The following DIS3L2 variants were observed in gnomAD, a reference collection of about 807,000 sequenced individuals.
DIS3L2 encodes DIS3-like exonuclease 2.
Under a neutral mutation model 97.5 loss-of-function variants are expected in DIS3L2, and 34 were observed. The ratio of observed to expected loss-of-function variants is 0.35; its 90% CI spans 0.27 to 0.46. The LOEUF (loss-of-function observed/expected upper bound fraction) is 0.46, where lower values mean the gene tolerates loss of function less well. Among genes scored for constraint, DIS3L2 ranks in the 20% least tolerant of loss-of-function variants. The pLI is 1.00. For synonymous variants in DIS3L2, 435 were observed against 445.2 expected, an observed-to-expected ratio of 0.98 and a Z score of 0.29; for missense variants, 1,038 against 1,146.0, an observed-to-expected ratio of 0.91 and a Z score of 1.36.
intron 6 of DIS3L2, among the ~76,000 whole-genome samples, chr2:232,124,559 T>C (rs1439777301): frequency 2.0e-5 from 3 of 151,580 alleles, no homozygotes; most frequent in Admixed American, 2.0e-4. Flanking sequence ...GAGAGACAAA[T>C]AGAAAATGCA....
Position 231,979,409 on chromosome 2 carries a change from A to G in DIS3L2, c.-94+17644A>G, listed in dbSNP as rs555480554. On this transcript the variant is annotated intron_variant, in intron 1 of 20. Coordinates refer to ENST00000325385, the MANE Select transcript of DIS3L2 (RefSeq NM_152383.5). The stretch of plus-strand genomic sequence containing the variant: ...GTAGCTAGGTCTACAGGCATTCACC[A>G]CCATGCCCGGCTAATTTTTGTATTT... 2.8e-3 allele frequency among the ~76,000 whole-genome samples: 423 copies of G among 151,738 alleles called. 1 individual carries two copies. The highest frequency in any genetic ancestry group is 4.6e-3 in the Non-Finnish European group (313 of 67,946).
In DIS3L2 at chr2:232,249,492, A is replaced by G. The variant is rs916734991; in HGVS notation, c.1425+146A>G. 1.6e-5 allele frequency: 14 copies of G among 901,050 alleles called. No individual in the cohort carries two copies. In the African/African-American group the frequency reaches 2.3e-4, roughly 15 times the overall value. 55.8% of individuals were successfully genotyped at this position (901,050 alleles called of 1,614,324 possible). ...AGTAGCCATCATAGAGAAATGTCAG[A>G]GTCCCTGCCTCGGAAGAGCCGTTGG... is the stretch of plus-strand genomic sequence containing the variant. On this transcript the variant is annotated intron_variant, in intron 12 of 20. Coordinates refer to ENST00000325385, the MANE Select transcript of DIS3L2 (RefSeq NM_152383.5).
At chr2:232,216,317 A>G (rs993059211) in intron 10 of DIS3L2, among the ~76,000 whole-genome samples, 1 of 152,194 alleles carries the variant, frequency 6.6e-6, no homozygotes, top group African/African-American at 2.4e-5. Flanking sequence ...TTGGACTCAA[A>G]GGACCCTGCC....
At chr2:232,046,264 C>T (rs9636277) in intron 5 of DIS3L2, among the ~76,000 whole-genome samples, 2,145 of 152,226 alleles carry the variant, frequency 0.014, 23 homozygotes, top group Non-Finnish European at 0.021. Context: ...CTAATACATA[C>T]TTGGTGTTGG....
chr2:232,339,649 A>G (rs11896101), downstream of DIS3L2: 43,566 of 452,878 alleles, frequency 0.096, 3,337 homozygotes, highest in African/African-American at 0.28. Context: ...AACAAGGCCT[A>G]CAAGGATCTG....
At chr2:232,082,937 A>G in intron 5 of DIS3L2, among the ~76,000 whole-genome samples, 1 of 152,216 alleles carries the variant, frequency 6.6e-6, no homozygotes, top group East Asian at 1.9e-4. Flanking sequence ...CAGTCGTGGC[A>G]GAAGGTGAAA....
chr2:231,968,663 T>C (rs930422326), intron 1 of DIS3L2, among the ~76,000 whole-genome samples: 1 of 152,284 alleles, frequency 6.6e-6, no homozygotes, highest in Non-Finnish European at 1.5e-5. Flanking sequence ...ATAAGGCTTC[T>C]ATAAAAATTT....
intron 9 of DIS3L2, among the ~76,000 whole-genome samples, chr2:232,197,621 A>G (rs1375884198): frequency 6.6e-6 from 1 of 152,130 alleles, no homozygotes; most frequent in Non-Finnish European, 1.5e-5. Context: ...GAGATTTGGG[A>G]TAAGTTATTA....
intron 5 of DIS3L2, among the ~76,000 whole-genome samples, chr2:232,086,267 G>A (rs535760825): frequency 3.1e-3 from 461 of 148,120 alleles, no homozygotes; most frequent in African/African-American, 7.2e-3. Context: ...ACGTGTATAC[G>A]TGTATATACA....
At chr2:232,224,189 A>G (rs1233858220) in intron 10 of DIS3L2, among the ~76,000 whole-genome samples, 1 of 152,208 alleles carries the variant, frequency 6.6e-6, no homozygotes, top group Non-Finnish European at 1.5e-5. Context: ...ACAGAAACAG[A>G]CCCACATATA....
chr2:232,263,126 G>A (rs1477565747), intron 12 of DIS3L2, 81 bp from the exon 13 acceptor site: 4 of 1,408,154 alleles, frequency 2.8e-6, no homozygotes, highest in African/African-American at 2.8e-5. Context: ...TGTTGAATGT[G>A]TATGGATGAA....
At chr2:232,058,266 A>T (rs1695602109) in intron 5 of DIS3L2, among the ~76,000 whole-genome samples, 1 of 152,232 alleles carries the variant, frequency 6.6e-6, no homozygotes, top group African/African-American at 2.4e-5. Flanking sequence ...TGAAACTGGA[A>T]TGTGCCTCAA....
At position 232,244,591 on chromosome 2, in the gene DIS3L2, C is replaced by T. The variant is rs144531273; in HGVS notation, c.1318-4648C>T. Among the ~76,000 whole-genome samples, 421 of 152,288 alleles carry T rather than the reference C, an allele frequency of 2.8e-3. 1 individual carries two copies. Among genetic ancestry groups the T allele is most frequent in the African/African-American group, 9.2e-3 (384 of 41,562 alleles). On this transcript the variant is annotated intron_variant, in intron 11 of 20. Transcript: ENST00000325385. ...CCAGACCTTGGACAGGGAAGACACT[C>T]GTTGTGAGATGGCAGGAGACGAGGG...
At chr2:231,987,178 T>G (rs749920894) in intron 1 of DIS3L2, among the ~76,000 whole-genome samples, 1 of 152,232 alleles carries the variant, frequency 6.6e-6, no homozygotes, top group East Asian at 1.9e-4. Context: ...GTCTAGTCTT[T>G]GTTAATTGTC....
At chr2:232,328,172 G>A (rs1368368959) in intron 14 of DIS3L2, among the ~76,000 whole-genome samples, 1 of 152,214 alleles carries the variant, frequency 6.6e-6, no homozygotes, top group African/African-American at 2.4e-5. Context: ...TTTACCTGCT[G>A]GGTGTCCTGT....
chr2:232,263,313 A>G lies in DIS3L2; in HGVS notation c.1532A>G (p.Lys511Arg). 6.2e-7 allele frequency: 1 copy of G among 1,614,214 alleles called. No individual in the cohort carries two copies. The highest frequency in any genetic ancestry group is 8.5e-7 in the Non-Finnish European group (1 of 1,180,042). The change falls in exon 13 of 21, where the codon AAA becomes AGA. Residue 511 changes from lysine (K) to arginine (R), a missense_variant. Lys to Arg is a conservative substitution (Grantham distance 26). This residue lies in a region of DIS3L2 where 813 missense variants were observed against 880.1 expected (regional missense o/e 0.92). Transcript: ENST00000325385. ...AGCCCAACTGAGAAAATCCCTGCGAAAGAGCTGCCCCCCATTTCCCCAGAG... is the reference window on the plus strand; with the variant it reads ...AGCCCAACTGAGAAAATCCCTGCGAGAGAGCTGCCCCCCATTTCCCCAGAG... ...IESPTEKIPA[K>R]ELPPISPEHS...
chr2:232,268,869 A>G lies in DIS3L2; in HGVS notation c.1659+5429A>G, dbSNP rs1332357350. The stretch of plus-strand genomic sequence containing the variant: ...CAGTCGTGCTAAGTTAACTCTCAGG[A>G]TGGCTTCATGCAATTAGGTAAATTA... On this transcript the variant is annotated intron_variant, in intron 13 of 20. Transcript: ENST00000325385. The surrounding 1 kb of genome is among the most constrained non-coding windows in gnomAD (Gnocchi z 4.1). Among the ~76,000 whole-genome samples the G allele has an allele frequency of 6.6e-6, 1 of 152,236 alleles. No individual in the cohort carries two copies. Among genetic ancestry groups the G allele is most frequent in the Non-Finnish European group, 1.5e-5 (1 of 68,030 alleles).
At chr2:232,137,650 C>G (rs1329121086) in intron 8 of DIS3L2, among the ~76,000 whole-genome samples, 1 of 152,142 alleles carries the variant, frequency 6.6e-6, no homozygotes, top group African/African-American at 2.4e-5. Flanking sequence ...TACTTAGCTT[C>G]TTATGCCTAG....
At chr2:232,051,079 C>T (rs114312043) in intron 5 of DIS3L2, among the ~76,000 whole-genome samples, 462 of 152,300 alleles carry the variant, frequency 3.0e-3, no homozygotes, top group African/African-American at 0.01. Context: ...CAAGTCTCAA[C>T]TGGTAAGGGC....
Sources: allele counts gnomAD v4.1 joint callset (sites outside exome capture counted in the v4.1 genomes callset), GRCh38; gene constraint gnomAD v4.1.1; regional missense constraint gnomAD v4.1.1; non-coding constraint Gnocchi (gnomAD v3.1); transcripts MANE v1.5; gene names NCBI Gene and HGNC (gene_info 2026-07-23, HGNC 2026-07-21).